Variants in EFCAB6 observed in about 807,000 individuals in gnomAD.
EFCAB6 encodes EF-hand calcium-binding domain-containing protein 6.
Under a neutral mutation model 169.8 loss-of-function variants are expected in EFCAB6, and 156 were observed. The observed-to-expected ratio is 0.92, with a 90% CI of 0.81 to 1.05. EFCAB6 has a LOEUF of 1.05. EFCAB6 is among the 50% of genes least tolerant of loss of function. The pLI, the probability that EFCAB6 is intolerant of heterozygous loss-of-function variation, is 0.00. For missense variants in EFCAB6, 1,800 were observed against 1,829.1 expected (o/e 0.98, Z 0.29); for synonymous variants, 698 against 676.4 (o/e 1.03, Z -0.50).
Position 43,572,630 on chromosome 22 carries a change from C to T in EFCAB6, c.3420+3667G>A, listed in dbSNP as rs1451936408. Among the ~76,000 whole-genome samples, 2 of 152,194 alleles carry T rather than the reference C, an allele frequency of 1.3e-5. No homozygotes were observed. Among genetic ancestry groups the T allele is most frequent in the African/African-American group, 2.4e-5 (1 of 41,446 alleles). On this transcript the variant is annotated intron_variant, in intron 26 of 31. Transcript: ENST00000262726. The surrounding 1 kb of genome is among the most constrained non-coding windows in gnomAD (Gnocchi z 4.0). ...GTGGATGCCATCGCACTAGCAGTGCCGGCCAGTCCCTTGCCCGATGTCACT... is the reference window on the plus strand; with the variant it reads ...GTGGATGCCATCGCACTAGCAGTGCTGGCCAGTCCCTTGCCCGATGTCACT...
intron 21 of EFCAB6, among the ~76,000 whole-genome samples, chr22:43,609,975 C>G (rs938119448): frequency 6.6e-6 from 1 of 152,176 alleles, no homozygotes; most frequent in Admixed American, 6.5e-5. Context: ...GCTGGGACAG[C>G]TGGACTTCCA....
chr22:43,607,966 A>G (rs769920625), intron 22 of EFCAB6, among the ~76,000 whole-genome samples: 2 of 152,130 alleles, frequency 1.3e-5, no homozygotes, highest in Non-Finnish European at 2.9e-5. Flanking sequence ...ATCGGATAAA[A>G]TTTTCGGTTT....
At chr22:43,595,382 G>A (rs2051919044) in intron 23 of EFCAB6, among the ~76,000 whole-genome samples, 1 of 151,750 alleles carries the variant, frequency 6.6e-6, no homozygotes, top group Non-Finnish European at 1.5e-5. Flanking sequence ...GCTAGACTAT[G>A]AAAAAAAGAA....
chr22:43,661,003 G>T (rs774916259), intron 17 of EFCAB6, among the ~76,000 whole-genome samples: 48 of 152,246 alleles, frequency 3.2e-4, no homozygotes, highest in Non-Finnish European at 5.4e-4. Flanking sequence ...GAATATAAAG[G>T]TTCCAGATCA....
chr22:43,727,515 G>T (rs2059781926), intron 8 of EFCAB6, among the ~76,000 whole-genome samples: 1 of 152,324 alleles, frequency 6.6e-6, no homozygotes, highest in East Asian at 1.9e-4. Flanking sequence ...ATATATTTCT[G>T]TTGAGTGAAC....
chr22:43,711,392 AATAAAAAAT>A, intron 10 of EFCAB6, 74 bp downstream of exon 10: 1 of 1,353,432 alleles, frequency 7.4e-7, no homozygotes, highest in African/African-American at 1.5e-5. Context: ...CTAAAACATT[AATAAAAAAT>A]AAACGAAGCT....
At chr22:43,612,229 A>G (rs1329813362) in intron 21 of EFCAB6, among the ~76,000 whole-genome samples, 1 of 152,244 alleles carries the variant, frequency 6.6e-6, no homozygotes, top group Non-Finnish European at 1.5e-5. Context: ...AAACCCTGGA[A>G]GACAACCTAA....
chr22:43,530,130 G>C (rs9614180), intron 31 of EFCAB6, among the ~76,000 whole-genome samples: 33,728 of 152,142 alleles, frequency 0.22, 4,110 homozygotes, highest in African/African-American at 0.3. Flanking sequence ...GGAGGGCAAG[G>C]TTTCTTTTGC....
intron 13 of EFCAB6, among the ~76,000 whole-genome samples, chr22:43,675,312 G>A (rs868588444): frequency 9.7e-6 from 1 of 103,472 alleles, no homozygotes; most frequent in Non-Finnish European, 1.9e-5. Flanking sequence ...ATATATTATA[G>A]TATATTATAC....
Position 43,528,790 on chromosome 22 carries a change from G to T in EFCAB6, c.*63C>A. On this transcript the variant is annotated 3_prime_UTR_variant, in exon 32 of 32. Transcript: ENST00000262726. ...AATTCATGAAACCCCCAAATTATAG[G>T]ATTTTATTAGCCTTGAAACAGGCCC... 6.7e-7 allele frequency: 1 copy of T among 1,489,878 alleles called. No individual in the cohort carries two copies. Among genetic ancestry groups the T allele is most frequent in the Non-Finnish European group, 9.1e-7 (1 of 1,104,004 alleles). 92.3% of individuals were successfully genotyped at this position (1,489,878 alleles called of 1,614,324 possible).
At chr22:43,637,172 C>T (rs950456212) in intron 17 of EFCAB6, among the ~76,000 whole-genome samples, 32 of 152,288 alleles carry the variant, frequency 2.1e-4, no homozygotes, top group African/African-American at 7.7e-4. Flanking sequence ...CTCCCTATCT[C>T]CCCAGAAAGG....
chr22:43,685,841 T>C (rs1397807927), intron 11 of EFCAB6, among the ~76,000 whole-genome samples: 1 of 152,228 alleles, frequency 6.6e-6, no homozygotes, highest in African/African-American at 2.4e-5. Flanking sequence ...TGATGGTCAC[T>C]AGTATATCTA....
chr22:43,609,724 T>C (rs367885015), intron 21 of EFCAB6, among the ~76,000 whole-genome samples: 18 of 152,372 alleles, frequency 1.2e-4, no homozygotes, highest in African/African-American at 4.3e-4. Context: ...GGTGTCATTT[T>C]CTTTGTGGAA....
chr22:43,582,560 T>G (rs1270917342), intron 24 of EFCAB6, among the ~76,000 whole-genome samples: 2 of 152,226 alleles, frequency 1.3e-5, no homozygotes, highest in African/African-American at 4.8e-5. Context: ...CTTATGAGAT[T>G]ACTTCAGGAA....
At chr22:43,721,235 A>G (rs1422462004) in intron 8 of EFCAB6, among the ~76,000 whole-genome samples, 1 of 152,250 alleles carries the variant, frequency 6.6e-6, no homozygotes, top group Non-Finnish European at 1.5e-5. Context: ...GATGACACAA[A>G]TAAGTGGAAA....
chr22:43,539,250 G>T (rs2047554076), intron 28 of EFCAB6, among the ~76,000 whole-genome samples: 1 of 152,168 alleles, frequency 6.6e-6, no homozygotes, highest in Admixed American at 6.5e-5. Context: ...TTAGGACACA[G>T]GCATCTTTGG....
Position 43,543,577 on chromosome 22 carries a change from C to A in EFCAB6, c.3649-3220G>T, listed in dbSNP as rs527425335. On this transcript the variant is annotated intron_variant, in intron 27 of 31. Transcript: ENST00000262726. ...GGGAGGGGAAGGATCGACATCCTTG[C>A]AGAATGGGCAGCGACCCCTTGGGCC... Among the ~76,000 whole-genome samples, 608 of 152,300 alleles carry A rather than the reference C, an allele frequency of 4.0e-3. 3 individuals carry two copies. The highest frequency in any genetic ancestry group is 0.014 in the African/African-American group (586 of 41,556).
At chr22:43,746,762 T>C (rs1172362747) in intron 6 of EFCAB6, among the ~76,000 whole-genome samples, 1 of 152,024 alleles carries the variant, frequency 6.6e-6, no homozygotes, top group Non-Finnish European at 1.5e-5. Flanking sequence ...AATTAGAAAT[T>C]AAAATTTTAA....
chr22:43,556,435 C>T (rs776974941), intron 26 of EFCAB6, among the ~76,000 whole-genome samples: 46 of 152,256 alleles, frequency 3.0e-4, no homozygotes, highest in Admixed American at 5.9e-4. Flanking sequence ...TGTTCCTGTA[C>T]GTGGGTATAT....
Sources: gnomAD v4.1 joint callset for allele counts (sites outside exome capture counted in the v4.1 genomes callset) on GRCh38, gnomAD v4.1.1 for gene constraint, Gnocchi (gnomAD v3.1) non-coding constraint, MANE v1.5 for transcripts, NCBI Gene and HGNC (gene_info 2026-07-23, HGNC 2026-07-21) for gene names.